Variants in ZDHHC2 observed in about 807,000 individuals in gnomAD.
ZDHHC2 encodes palmitoyltransferase ZDHHC2.
ZDHHC2 carries 51 observed loss-of-function variants against 55.6 expected under a neutral mutation model. The observed-to-expected ratio is 0.92, with a 90% CI of 0.73 to 1.16. The LOEUF is 1.16. Ranked by LOEUF, ZDHHC2 falls within the 50% of genes most tolerant of loss-of-function variation. The pLI is 0.00. For synonymous variants in ZDHHC2, 199 were observed against 152.9 expected (o/e 1.30, Z -2.22); for missense variants, 491 against 442.4 (o/e 1.11, Z -0.99).
chr8:17,178,043 G>C (rs2517075), intron 1 of ZDHHC2, among the ~76,000 whole-genome samples: 1 of 152,140 alleles, frequency 6.6e-6, no homozygotes, highest in Non-Finnish European at 1.5e-5. Context: ...TCTTTGCTAA[G>C]TCAAAAGGGG....
chr8:17,192,188 G>T (rs1254392248), intron 3 of ZDHHC2, among the ~76,000 whole-genome samples: 1 of 152,048 alleles, frequency 6.6e-6, no homozygotes, highest in Non-Finnish European at 1.5e-5. Flanking sequence ...ATTTCACTAT[G>T]TTGCCTAGGC....
chr8:17,206,097 G>T (rs951905939), intron 7 of ZDHHC2, among the ~76,000 whole-genome samples: 2 of 152,122 alleles, frequency 1.3e-5, no homozygotes, highest in Non-Finnish European at 2.9e-5. Context: ...ATAAACAAGT[G>T]TGCTTTCCAC....
At chr8:17,186,618 C>A (rs192305845) in intron 3 of ZDHHC2, among the ~76,000 whole-genome samples, 193 bp downstream of exon 3, 2 of 152,208 alleles carry the variant, frequency 1.3e-5, no homozygotes, top group Admixed American at 6.5e-5. Context: ...ACCAGATAAG[C>A]ACTGCATTTT....
chr8:17,191,583 T>A (rs1329346113), intron 3 of ZDHHC2, among the ~76,000 whole-genome samples: 1 of 152,250 alleles, frequency 6.6e-6, no homozygotes, highest in Non-Finnish European at 1.5e-5. Flanking sequence ...TTTCTCTGCC[T>A]TGCTTATTTT....
At chr8:17,187,751 G>C (rs1050977498) in intron 3 of ZDHHC2, among the ~76,000 whole-genome samples, 1 of 152,032 alleles carries the variant, frequency 6.6e-6, no homozygotes, top group African/African-American at 2.4e-5. Context: ...CACTCTGGTA[G>C]TTTACATACA....
chr8:17,184,126 T>A (rs892420563), intron 1 of ZDHHC2, among the ~76,000 whole-genome samples: 1 of 152,196 alleles, frequency 6.6e-6, no homozygotes, highest in African/African-American at 2.4e-5. Flanking sequence ...ACAAAAGGCG[T>A]ACATATGTCT....
chr8:17,210,536 G>A (rs1563168856), intron 10 of ZDHHC2, 56 bp downstream of exon 10: 6 of 1,427,070 alleles, frequency 4.2e-6, no homozygotes, highest in African/African-American at 1.5e-5. Context: ...ACCATATTGT[G>A]TCTTTTGGTT....
intron 6 of ZDHHC2, among the ~76,000 whole-genome samples, chr8:17,205,363 C>T (rs1339359080): frequency 2.0e-5 from 3 of 152,190 alleles, no homozygotes; most frequent in Non-Finnish European, 1.5e-5. Flanking sequence ...TACGGTTTCT[C>T]GCAGGCTCTG....
At chr8:17,187,272 A>C (rs569222582) in intron 3 of ZDHHC2, among the ~76,000 whole-genome samples, 2 of 152,238 alleles carry the variant, frequency 1.3e-5, no homozygotes, top group African/African-American at 4.8e-5. Flanking sequence ...TTTCTGGATC[A>C]TGCATCCTGG....
At chr8:17,199,666 CCCTCCTT>C (rs1415146371) in intron 6 of ZDHHC2, among the ~76,000 whole-genome samples, 103 of 131,026 alleles carry the variant, frequency 7.9e-4, no homozygotes, top group African/African-American at 2.6e-3. Flanking sequence ...CCTCCCTCCT[CCCTCCTT>C]CTTCTTCTTC....
At chr8:17,217,080 A>G (rs1311734068) in intron 11 of ZDHHC2, 92 bp from the exon 12 acceptor site, 38 of 1,270,270 alleles carry the variant, frequency 3.0e-5, no homozygotes, top group Non-Finnish European at 3.7e-5. Flanking sequence ...TTGGAAGTCT[A>G]CCAAGGGATT....
chr8:17,169,770 G>T (rs17687043), intron 1 of ZDHHC2, among the ~76,000 whole-genome samples: 1 of 152,086 alleles, frequency 6.6e-6, no homozygotes, highest in Admixed American at 6.5e-5. Context: ...AGATACAGGC[G>T]GGAAACCTGA....
At chr8:17,171,936 T>C (rs1804875566) in intron 1 of ZDHHC2, among the ~76,000 whole-genome samples, 1 of 151,930 alleles carries the variant, frequency 6.6e-6, no homozygotes, top group South Asian at 2.1e-4. Flanking sequence ...ATCTTGGTTC[T>C]TTCACTGGCA....
At chr8:17,195,042 G>A (rs1419809518) in intron 3 of ZDHHC2, among the ~76,000 whole-genome samples, 1 of 152,134 alleles carries the variant, frequency 6.6e-6, no homozygotes, top group African/African-American at 2.4e-5. Context: ...AGTGCTGGGG[G>A]AGATTTTATG....
In ZDHHC2 at chr8:17,210,380, A is replaced by G; in HGVS notation, c.858-8A>G. 1 of 1,607,736 alleles carries G rather than the reference A, an allele frequency of 6.2e-7. No individual in the cohort carries two copies. Among genetic ancestry groups the G allele is most frequent in the Non-Finnish European group, 8.5e-7 (1 of 1,178,046 alleles). On this transcript the variant is annotated splice_polypyrimidine_tract_variant and splice_region_variant and intron_variant, in intron 9 of 12. Coordinates refer to ENST00000262096, the MANE Select transcript of ZDHHC2 (RefSeq NM_016353.5). The stretch of plus-strand genomic sequence containing the variant: ...TGGTTCAGTTCTAAATTTTTATTTT[A>G]ATTCTAGTCTAGGTGATGGCTGCTC...
rs1808058157 is a variant in ZDHHC2 at position 17,224,723 on chromosome 8, T to G, written c.*4502T>G. 2.0e-5 allele frequency: 3 copies of G among 151,802 alleles called. No individual in the cohort carries two copies. The highest frequency in any genetic ancestry group is 2.1e-4 in the South Asian group (1 of 4,830). 9.4% of individuals were successfully genotyped at this position (151,802 alleles called of 1,614,324 possible). On this transcript the variant is annotated 3_prime_UTR_variant, in exon 13 of 13. Transcript: ENST00000262096. Reference sequence around the variant, plus strand: ...TGAGAGCAAGGCTATTTTGTCAGTTTAGATTTTGTGTCTTTTTCTGTCAGT... The same window carrying G: ...TGAGAGCAAGGCTATTTTGTCAGTTGAGATTTTGTGTCTTTTTCTGTCAGT...
chr8:17,198,507 A>T (rs1471021392), intron 6 of ZDHHC2, 94 bp downstream of exon 6: 17 of 1,189,712 alleles, frequency 1.4e-5, no homozygotes, highest in Non-Finnish European at 1.9e-5. Context: ...CACATGAAAT[A>T]TTACTTGAGT....
chr8:17,177,025 C>T lies in ZDHHC2; in HGVS notation c.131-7764C>T, dbSNP rs189846396. 2.6e-5 allele frequency among the ~76,000 whole-genome samples: 4 copies of T among 152,194 alleles called. No homozygotes were observed. The East Asian group carries it at 7.7e-4, about 29-fold the overall frequency. ...GTCTGGAAGGGGTGTCACTTTTGAC[C>T]TCTAATACACTAAAAATGAACCAGA... is the stretch of plus-strand genomic sequence containing the variant. On this transcript the variant is annotated intron_variant, in intron 1 of 12. Transcript: ENST00000262096.
chr8:17,179,516 C>G lies in ZDHHC2; in HGVS notation c.131-5273C>G, dbSNP rs373010493. Among the ~76,000 whole-genome samples the G allele has an allele frequency of 2.0e-4, 30 of 152,244 alleles. No individual in the cohort carries two copies. The East Asian group carries it at 4.6e-3, about 24-fold the overall frequency. On this transcript the variant is annotated intron_variant, in intron 1 of 12. Coordinates refer to ENST00000262096, the MANE Select transcript of ZDHHC2 (RefSeq NM_016353.5). ...CTTGAACTACTGGGCTCAATCAGTT[C>G]TCCTGCCCCCAGTCTCCCAAGTAGC...
Sources: gnomAD v4.1 joint callset for allele counts (sites outside exome capture counted in the v4.1 genomes callset) on GRCh38, gnomAD v4.1.1 for gene constraint, MANE v1.5 for transcripts, NCBI Gene and HGNC (gene_info 2026-07-23, HGNC 2026-07-21) for gene names.